Variants in CNTLN observed in about 807,000 individuals in gnomAD.
The protein encoded by CNTLN is centlein, centrosomal protein.
A neutral mutation model predicts 180.0 loss-of-function variants in CNTLN; 212 were observed. The observed-to-expected ratio is 1.18, with a 90% CI of 1.05 to 1.32. The LOEUF (loss-of-function observed/expected upper bound fraction) is 1.32, where lower values mean the gene tolerates loss of function less well. Among genes scored for constraint, CNTLN ranks in the 40% most tolerant of loss-of-function variants. CNTLN has a pLI of 0.00. For synonymous variants in CNTLN, 722 were observed against 563.1 expected, an observed-to-expected ratio of 1.28 and a Z score of -3.99; for missense variants, 2,095 against 1,610.9, an observed-to-expected ratio of 1.30 and a Z score of -5.14.
At chr9:17,447,188 A>G (rs1173517896) in intron 18 of CNTLN, 4 of 218,010 alleles carry the variant, frequency 1.8e-5, no homozygotes, top group Non-Finnish European at 4.0e-5. Context: ...GCTATCACAT[A>G]TCCTGTTGCC....
intron 5 of CNTLN, among the ~76,000 whole-genome samples, chr9:17,267,137 T>C (rs1314980757): frequency 3.3e-5 from 5 of 152,160 alleles, no homozygotes; most frequent in African/African-American, 1.2e-4. Flanking sequence ...CTATCCTTGA[T>C]GGTCTTTACA....
rs1405335634 is a variant in CNTLN, at chr9:17,236,474, G to C, written c.735G>C (p.Glu245Asp). ...QNRLVIKNLE[E>D]ENKKLSTRCT... is the part of the protein sequence containing the mutation. ...GACTAGTTATAAAAAATCTGGAGGA[G>C]GAAAACAAGAAATTAAGTACCCGCT... The change falls in exon 5 of 26, where the codon GAG (glutamate) becomes GAC (aspartate). Residue 245 changes from glutamate to aspartate, a missense_variant. By Grantham distance (45) the Glu-to-Asp change is conservative (BLOSUM62 2). Coordinates refer to ENST00000380647, the MANE Select transcript of CNTLN (RefSeq NM_017738.4). The C allele has an allele frequency of 3.1e-6, 5 of 1,613,582 alleles. No individual in the cohort carries two copies. The highest frequency in any genetic ancestry group is 4.2e-6 in the Non-Finnish European group (5 of 1,179,686).
At chr9:17,341,339 G>A (rs1821467737) in intron 11 of CNTLN, among the ~76,000 whole-genome samples, 1 of 152,088 alleles carries the variant, frequency 6.6e-6, no homozygotes, top group Non-Finnish European at 1.5e-5. Context: ...AAATTTTAGT[G>A]GAAAGACTAG....
At chr9:17,510,218 G>C in the CNTLN span, among the ~76,000 whole-genome samples, 103 of 152,206 alleles carry the variant, frequency 6.8e-4, no homozygotes, top group African/African-American at 2.4e-3. Flanking sequence ...GTTTGGTGAG[G>C]GGAAAGGGAA....
chr9:17,211,306 A>G (rs1412477723), intron 2 of CNTLN, among the ~76,000 whole-genome samples: 2 of 152,208 alleles, frequency 1.3e-5, no homozygotes, highest in African/African-American at 4.8e-5. Flanking sequence ...CATTTATTAA[A>G]TAGGGAATCC....
At chr9:17,179,894 G>C (rs1256880907) in intron 2 of CNTLN, among the ~76,000 whole-genome samples, 9 of 151,972 alleles carry the variant, frequency 5.9e-5, no homozygotes, top group Non-Finnish European at 1.2e-4. Context: ...ACGTCTTCTT[G>C]GTAGATTCTT....
the CNTLN span, among the ~76,000 whole-genome samples, chr9:17,518,829 G>C: frequency 6.6e-6 from 1 of 152,140 alleles, no homozygotes; most frequent in Non-Finnish European, 1.5e-5. Context: ...TGGGAGCTGG[G>C]ACCCCAAGTG....
intron 2 of CNTLN, among the ~76,000 whole-genome samples, chr9:17,223,868 C>T (rs1007501551): frequency 2.6e-4 from 39 of 151,992 alleles, no homozygotes; most frequent in African/African-American, 9.2e-4. Flanking sequence ...GCTACCATTT[C>T]CTTATCTACT....
chr9:17,263,546 G>A (rs1827173029), intron 5 of CNTLN, among the ~76,000 whole-genome samples: 1 of 151,508 alleles, frequency 6.6e-6, no homozygotes, highest in South Asian at 2.1e-4. Context: ...ATAATCCTTT[G>A]GGTGTATACC....
intron 5 of CNTLN, among the ~76,000 whole-genome samples, chr9:17,257,189 A>G (rs560843634): frequency 3.3e-5 from 5 of 149,888 alleles, no homozygotes; most frequent in African/African-American, 9.8e-5. Flanking sequence ...ATGTGATCTC[A>G]TTGTTCAATT....
chr9:17,454,080 A>G (rs1165826721), intron 18 of CNTLN, among the ~76,000 whole-genome samples: 1 of 152,242 alleles, frequency 6.6e-6, no homozygotes, highest in East Asian at 1.9e-4. Context: ...ATTGTACCAG[A>G]GCATGAGTCA....
At chr9:17,525,742 T>C in the CNTLN span, among the ~76,000 whole-genome samples, 3 of 152,122 alleles carry the variant, frequency 2.0e-5, no homozygotes, top group Non-Finnish European at 4.4e-5. Flanking sequence ...CTTCACTAAA[T>C]TTAAGGTCAT....
At position 17,502,946 on chromosome 9, in the gene CNTLN, T is replaced by A. The variant is rs1440271468; in HGVS notation, c.*294T>A. ...GTGCATTAAAAGAAACTGAGCAGGCTTGGTACACACAAATTGGCCTGAGCA... is the reference window on the plus strand; with the variant it reads ...GTGCATTAAAAGAAACTGAGCAGGCATGGTACACACAAATTGGCCTGAGCA... On this transcript the variant is annotated 3_prime_UTR_variant, in exon 26 of 26. Transcript: ENST00000380647. 1 of 170,268 alleles carries A rather than the reference T, an allele frequency of 5.9e-6. No individual in the cohort carries two copies. The highest frequency in any genetic ancestry group is 1.2e-5 in the Non-Finnish European group (1 of 80,630). 10.5% of individuals were successfully genotyped at this position (170,268 alleles called of 1,614,324 possible).
At chr9:17,487,507 A>G (rs1213802493) in intron 25 of CNTLN, among the ~76,000 whole-genome samples, 1 of 152,080 alleles carries the variant, frequency 6.6e-6, no homozygotes, top group African/African-American at 2.4e-5. Flanking sequence ...GCTGTTTATT[A>G]CTGTGTCTTC....
intron 2 of CNTLN, among the ~76,000 whole-genome samples, chr9:17,183,940 C>A (rs993000887): frequency 1.3e-5 from 2 of 152,044 alleles, no homozygotes; most frequent in African/African-American, 4.8e-5. Context: ...AAGCTAGTAT[C>A]TAAATTTGTT....
chr9:17,189,268 G>A (rs1331334481), intron 2 of CNTLN, among the ~76,000 whole-genome samples: 1 of 150,896 alleles, frequency 6.6e-6, no homozygotes. Flanking sequence ...ATTTTTAGTA[G>A]AGACGGGGTT....
chr9:17,247,418 T>A (rs1825857682), intron 5 of CNTLN, among the ~76,000 whole-genome samples: 1 of 152,156 alleles, frequency 6.6e-6, no homozygotes, highest in Admixed American at 6.5e-5. Context: ...TAGCACTGAG[T>A]TGTAGTGCAA....
intron 2 of CNTLN, among the ~76,000 whole-genome samples, chr9:17,218,193 T>C (rs1823891189): frequency 1.3e-5 from 2 of 152,186 alleles, no homozygotes; most frequent in Admixed American, 6.5e-5. Flanking sequence ...ATAATAGTTC[T>C]AAATTCTGGA....
At chr9:17,354,350 C>G (rs907794506) in intron 12 of CNTLN, among the ~76,000 whole-genome samples, 2 of 152,212 alleles carry the variant, frequency 1.3e-5, no homozygotes, top group African/African-American at 2.4e-5. Flanking sequence ...GCAGGCAGCT[C>G]CACCTGCAGC....
Sources: gnomAD v4.1 joint callset for allele counts (sites outside exome capture counted in the v4.1 genomes callset) on GRCh38, gnomAD v4.1.1 for gene constraint, MANE v1.5 for transcripts, NCBI Gene and HGNC (gene_info 2026-07-23, HGNC 2026-07-21) for gene names.